SAE1: variants seen among roughly 807,000 people sequenced by gnomAD.
The protein encoded by SAE1 is SUMO-activating enzyme subunit 1.
Under a neutral mutation model 40.6 loss-of-function variants are expected in SAE1, and 11 were observed. The ratio of observed to expected loss-of-function variants is 0.27; its 90% confidence interval spans 0.17 to 0.45. The LOEUF (loss-of-function observed/expected upper bound fraction) is 0.45, where lower values mean the gene tolerates loss of function less well. Among genes scored for constraint, SAE1 ranks in the 20% least tolerant of loss-of-function variants. The pLI is 1.00. For missense variants in SAE1, 373 were observed against 427.3 expected (o/e 0.87, Z 1.12); for synonymous variants, 155 against 154.3 (o/e 1.00, Z -0.03).
intron 3 of SAE1, among the ~76,000 whole-genome samples, chr19:47,152,157 GTCTTTTGACCATGA>G (rs1449181194): frequency 6.6e-6 from 1 of 152,204 alleles, no homozygotes; most frequent in African/African-American, 2.4e-5. Flanking sequence ...TTTGGAAGTT[GTCTTTTGACCATGA>G]TCACAAAGCT....
chr19:47,172,378 T>C (rs1363927324), intron 6 of SAE1, among the ~76,000 whole-genome samples: 1 of 152,168 alleles, frequency 6.6e-6, no homozygotes, highest in Non-Finnish European at 1.5e-5. Flanking sequence ...CAGAGTCTTT[T>C]CCATGTGGGA....
intron 6 of SAE1, among the ~76,000 whole-genome samples, chr19:47,171,522 G>A (rs1404338369): frequency 3.3e-5 from 5 of 152,046 alleles, no homozygotes; most frequent in Non-Finnish European, 5.9e-5. Flanking sequence ...CGTGATCTTG[G>A]CTCACTGCAA....
At chr19:47,160,767 G>C (rs1302984271) in intron 5 of SAE1, among the ~76,000 whole-genome samples, 2 of 151,884 alleles carry the variant, frequency 1.3e-5, no homozygotes, top group East Asian at 3.9e-4. Flanking sequence ...CTGACCTTGT[G>C]ATCCACCCGC....
chr19:47,141,082 A>G (rs1600149590), intron 1 of SAE1, among the ~76,000 whole-genome samples: 1 of 151,616 alleles, frequency 6.6e-6, no homozygotes, highest in African/African-American at 2.4e-5. Flanking sequence ...GCTTACTGCA[A>G]CCTCCGCCTC....
chr19:47,186,350 T>G (rs1212330236), intron 6 of SAE1, among the ~76,000 whole-genome samples: 1 of 152,228 alleles, frequency 6.6e-6, no homozygotes, highest in Non-Finnish European at 1.5e-5. Context: ...TTTCAAAATC[T>G]GAAAATACCC....
chr19:47,198,592 GATCCCACCCCAGGT>G (rs1164793423), intron 7 of SAE1, among the ~76,000 whole-genome samples: 11 of 152,148 alleles, frequency 7.2e-5, no homozygotes, highest in African/African-American at 2.7e-4. Context: ...AGCCAACCCA[GATCCCACCCCAGGT>G]ATCATTACAG....
chr19:47,153,982 G>A (rs902182875), intron 4 of SAE1, among the ~76,000 whole-genome samples: 1 of 151,802 alleles, frequency 6.6e-6, no homozygotes, highest in African/African-American at 2.4e-5. Context: ...GTAGAGACAG[G>A]GTTTTTCCAT....
At chr19:47,136,571 C>A (rs556482067) in intron 1 of SAE1, among the ~76,000 whole-genome samples, 1 of 149,274 alleles carries the variant, frequency 6.7e-6, no homozygotes, top group Non-Finnish European at 1.5e-5. Flanking sequence ...TCTCAGCTCA[C>A]CGCAACCCTT....
chr19:47,169,763 T>G, intron 5 of SAE1, 55 bp from the exon 6 acceptor site: 1 of 1,177,276 alleles, frequency 8.5e-7, no homozygotes, highest in Non-Finnish European at 1.3e-6. Flanking sequence ...GCAACTGCCT[T>G]GTGATTGGAA....
intron 6 of SAE1, among the ~76,000 whole-genome samples, chr19:47,184,514 G>A (rs1318819178): frequency 1.3e-5 from 2 of 152,008 alleles, no homozygotes; most frequent in African/African-American, 2.4e-5. Flanking sequence ...GGGTTCAAGC[G>A]ATTCTCCTGC....
At chr19:47,170,313 G>C (rs761331565) in intron 6 of SAE1, among the ~76,000 whole-genome samples, 1 of 151,064 alleles carries the variant, frequency 6.6e-6, no homozygotes, top group Admixed American at 6.6e-5. Flanking sequence ...CTCCTGGGTT[G>C]AAGCGATTCT....
chr19:47,139,611 A>T (rs1435555064), intron 1 of SAE1, among the ~76,000 whole-genome samples: 1 of 140,548 alleles, frequency 7.1e-6, no homozygotes. Context: ...TTTTTGAGAC[A>T]GAGTCTCACT....
At chr19:47,134,158 G>C (rs1351865610) in intron 1 of SAE1, among the ~76,000 whole-genome samples, 1 of 152,140 alleles carries the variant, frequency 6.6e-6, no homozygotes, top group East Asian at 1.9e-4. Flanking sequence ...ACCATGCCCG[G>C]CCTCAGATTT....
intron 7 of SAE1, 31 bp downstream of exon 7, chr19:47,197,408 T>G (rs754698356): frequency 6.3e-7 from 1 of 1,574,996 alleles, no homozygotes. Context: ...CTGTTTAGTC[T>G]GGACAGATAA....
chr19:47,145,940 T>G (rs1279980710), intron 2 of SAE1, among the ~76,000 whole-genome samples: 5 of 151,600 alleles, frequency 3.3e-5, no homozygotes, highest in Admixed American at 2.0e-4. Flanking sequence ...CTCAAGGTTT[T>G]TTTTTTTTTT....
intron 6 of SAE1, among the ~76,000 whole-genome samples, chr19:47,188,541 T>G (rs1431450059): frequency 6.6e-6 from 1 of 152,170 alleles, no homozygotes; most frequent in East Asian, 1.9e-4. Context: ...GTGTATCGGC[T>G]TTTCTAGGGC....
intron 7 of SAE1, among the ~76,000 whole-genome samples, chr19:47,201,536 T>A (rs1043415087): frequency 6.6e-6 from 1 of 151,454 alleles, no homozygotes; most frequent in Non-Finnish European, 1.5e-5. Flanking sequence ...CACGCCCAGC[T>A]AATTTCTGTA....
intron 2 of SAE1, among the ~76,000 whole-genome samples, chr19:47,147,853 G>A (rs551851580): frequency 3.1e-4 from 47 of 151,442 alleles, no homozygotes; most frequent in African/African-American, 1.0e-3. Context: ...CTGCCTCCCG[G>A]GTTCACACCA....
At chr19:47,198,774 T>C (rs1202431162) in intron 7 of SAE1, among the ~76,000 whole-genome samples, 1 of 152,172 alleles carries the variant, frequency 6.6e-6, no homozygotes, top group East Asian at 1.9e-4. Flanking sequence ...TTGAAGCACC[T>C]GTGGTGCCCT....
Sources: allele counts gnomAD v4.1 joint callset (sites outside exome capture counted in the v4.1 genomes callset), GRCh38; gene constraint gnomAD v4.1.1; transcripts MANE v1.5; gene names NCBI Gene and HGNC (gene_info 2026-07-23, HGNC 2026-07-21).